The following SNX25 variants were observed in gnomAD, a reference collection of about 807,000 sequenced individuals.
SNX25 encodes sorting nexin-25.
In SNX25, 62 loss-of-function variants were observed where a neutral mutation model predicts 113.7. The ratio of observed to expected loss-of-function variants is 0.55; its 90% CI spans 0.44 to 0.67. SNX25 has a LOEUF of 0.67. SNX25 is among the 30% of genes least tolerant of loss of function. The pLI, the probability that SNX25 is intolerant of heterozygous loss-of-function variation, is 0.00. For missense variants in SNX25, 1,014 were observed against 1,161.0 expected (o/e 0.87, Z 1.84); for synonymous variants, 421 against 436.2 (o/e 0.97, Z 0.43).
At chr4:185,248,840 C>T (rs1472048731) in intron 2 of SNX25, among the ~76,000 whole-genome samples, 2 of 152,190 alleles carry the variant, frequency 1.3e-5, no homozygotes, top group Admixed American at 6.5e-5. Flanking sequence ...CCCCTTTGAT[C>T]AACACCCACC....
intron 13 of SNX25, 74 bp from the exon 14 acceptor site, chr4:185,351,371 T>A: frequency 1.3e-6 from 2 of 1,500,598 alleles, no homozygotes; most frequent in South Asian, 2.5e-5. Flanking sequence ...TCTGCCTCGC[T>A]CACCTTTACT....
intron 1 of SNX25, among the ~76,000 whole-genome samples, chr4:185,220,484 C>CTTTT (rs33968295): frequency 8.3e-5 from 11 of 131,848 alleles, no homozygotes; most frequent in Non-Finnish European, 1.3e-4. Context: ...AACTGAGTCC[C>CTTTT]TTTTTTTTTT....
chr4:185,212,491 G>GTGTGTGTGTTTGTTTTTT (rs546083196), intron 1 of SNX25, among the ~76,000 whole-genome samples: 2 of 104,944 alleles, frequency 1.9e-5, no homozygotes, highest in African/African-American at 7.4e-5. Context: ...GTGTGTGTGT[G>GTGTGTGTGTTTGTTTTTT]TTTTTTTTTT....
At chr4:185,337,570 C>T (rs2095238031) in intron 10 of SNX25, among the ~76,000 whole-genome samples, 1 of 152,134 alleles carries the variant, frequency 6.6e-6, no homozygotes, top group South Asian at 2.1e-4. Flanking sequence ...ATGCAAATAC[C>T]TCTTAAAAAG....
intron 1 of SNX25, among the ~76,000 whole-genome samples, chr4:185,220,212 C>G (rs1354697686): frequency 6.6e-6 from 1 of 152,100 alleles, no homozygotes; most frequent in African/African-American, 2.4e-5. Flanking sequence ...CAGTGGTACC[C>G]GAAGCTTGAG....
At chr4:185,348,900 G>C (rs11734889) in intron 13 of SNX25, among the ~76,000 whole-genome samples, 28,447 of 150,230 alleles carry the variant, frequency 0.19, 3,449 homozygotes, top group African/African-American at 0.35. Flanking sequence ...CCACCTCTCT[G>C]TACCTCTAAT....
intron 6 of SNX25, among the ~76,000 whole-genome samples, chr4:185,302,960 A>G (rs745463781): frequency 4.6e-5 from 7 of 152,142 alleles, no homozygotes; most frequent in South Asian, 2.1e-4. Context: ...CTATAGTCTC[A>G]TGAGTTTATA....
chr4:185,260,453 G>C (rs902872159), intron 3 of SNX25, among the ~76,000 whole-genome samples: 4 of 152,156 alleles, frequency 2.6e-5, no homozygotes, highest in Non-Finnish European at 5.9e-5. Context: ...ATTGGAGCTT[G>C]AAATGGGCCA....
intron 1 of SNX25, among the ~76,000 whole-genome samples, chr4:185,227,262 A>AT (rs1266266501): frequency 5.9e-5 from 9 of 152,194 alleles, no homozygotes; most frequent in African/African-American, 2.2e-4. Context: ...TAGGCCAGTC[A>AT]TTTATCTTTC....
chr4:185,275,313 C>T (rs1376366991), intron 5 of SNX25, among the ~76,000 whole-genome samples: 3 of 151,904 alleles, frequency 2.0e-5, no homozygotes, highest in Non-Finnish European at 2.9e-5. Flanking sequence ...AAAATTCAAA[C>T]GATTAAGGAT....
intron 7 of SNX25, among the ~76,000 whole-genome samples, chr4:185,317,733 A>G (rs544969440): frequency 3.9e-5 from 6 of 152,158 alleles, no homozygotes; most frequent in Non-Finnish European, 8.8e-5. Context: ...GTAGTAGAAC[A>G]ATGAGAACAC....
Position 185,211,668 on chromosome 4 carries a change from G to T in SNX25, c.429+1413G>T, listed in dbSNP as rs975482350. 2.6e-5 allele frequency among the ~76,000 whole-genome samples: 4 copies of T among 152,282 alleles called. No homozygotes were observed. The East Asian group carries it at 7.7e-4, about 29-fold the overall frequency. On this transcript the variant is annotated intron_variant, in intron 1 of 18. Transcript: ENST00000652585. ...GGACACATAAATATCCTGCTCTCTG[G>T]AGATCTTATGGGGGAGCAGGCAATA...
At chr4:185,239,193 A>T (rs369373737) in intron 1 of SNX25, among the ~76,000 whole-genome samples, 23 of 152,164 alleles carry the variant, frequency 1.5e-4, no homozygotes, top group African/African-American at 5.3e-4. Context: ...ATTAGAGAAA[A>T]GTTTTCTGCC....
In SNX25 at chr4:185,240,038, C is replaced by T. The variant is rs374422267; in HGVS notation, c.430-7256C>T. ...CTTGCACCACCCTTAATCCATTCAA[C>T]CCTGAGTGGACACAGCACATGTTTC... is the stretch of plus-strand genomic sequence containing the variant. On this transcript the variant is annotated intron_variant, in intron 1 of 18. Coordinates refer to ENST00000652585, the MANE Select transcript of SNX25 (RefSeq NM_001378034.2). 5.3e-5 allele frequency among the ~76,000 whole-genome samples: 8 copies of T among 151,432 alleles called. 1 individual carries two copies. The highest frequency in any genetic ancestry group is 2.0e-4 in the Admixed American group (3 of 15,176).
At chr4:185,207,256 G>T (rs183492739), upstream of SNX25, among the ~76,000 whole-genome samples, 1 of 118,706 alleles carries the variant, frequency 8.4e-6, no homozygotes, top group Admixed American at 1.2e-4. Flanking sequence ...TCTCGCTGTC[G>T]CCCAGGCTGG....
At chr4:185,374,956 C>T (rs921427688), downstream of SNX25, among the ~76,000 whole-genome samples, 4 of 152,028 alleles carry the variant, frequency 2.6e-5, no homozygotes, top group South Asian at 2.1e-4. Context: ...AAATCTTATG[C>T]ACTAATACGA....
chr4:185,291,833 G>T (rs934973471), intron 6 of SNX25, among the ~76,000 whole-genome samples: 1 of 152,164 alleles, frequency 6.6e-6, no homozygotes, highest in Admixed American at 6.5e-5. Context: ...GATCACGTCG[G>T]CAAAGACCCC....
At chr4:185,309,737 C>G (rs139814963) in intron 6 of SNX25, among the ~76,000 whole-genome samples, 14 of 152,328 alleles carry the variant, frequency 9.2e-5, no homozygotes, top group Admixed American at 4.6e-4. Flanking sequence ...CAATGGTCTT[C>G]TAGCTGGTCC....
At chr4:185,291,625 T>C (rs1184507201) in intron 6 of SNX25, among the ~76,000 whole-genome samples, 1 of 152,238 alleles carries the variant, frequency 6.6e-6, no homozygotes, top group African/African-American at 2.4e-5. Context: ...TGGGGGAGCC[T>C]CTTCCATGTC....
Sources: gnomAD v4.1 joint callset for allele counts (sites outside exome capture counted in the v4.1 genomes callset) on GRCh38, gnomAD v4.1.1 for gene constraint, MANE v1.5 for transcripts, NCBI Gene and HGNC (gene_info 2026-07-23, HGNC 2026-07-21) for gene names.